Variants in MMP16 observed in about 807,000 individuals in gnomAD.
MMP16 encodes the protein matrix metalloproteinase-16.
MMP16 carries 12 observed loss-of-function variants against 67.8 expected under a neutral mutation model. That is an observed-to-expected ratio of 0.18 (90% CI 0.11 to 0.29). The LOEUF (loss-of-function observed/expected upper bound fraction) is 0.29, where lower values mean the gene tolerates loss of function less well. Among genes scored for constraint, MMP16 ranks in the 10% least tolerant of loss-of-function variants. The pLI is 1.00. For synonymous variants in MMP16, 249 were observed against 255.9 expected, an observed-to-expected ratio of 0.97 and a Z score of 0.26; for missense variants, 475 against 765.7, an observed-to-expected ratio of 0.62 and a Z score of 4.48.
chr8:88,048,336 C>G (rs1313322437), intron 8 of MMP16, among the ~76,000 whole-genome samples: 1 of 152,152 alleles, frequency 6.6e-6, no homozygotes, highest in Non-Finnish European at 1.5e-5. Context: ...TTTCACAGAA[C>G]CCCTAGACTT....
intron 1 of MMP16, among the ~76,000 whole-genome samples, chr8:88,238,002 C>A (rs537492279): frequency 6.6e-6 from 1 of 152,298 alleles, no homozygotes; most frequent in East Asian, 1.9e-4. Flanking sequence ...GTAACATGTA[C>A]TTCCTCCAGC....
chr8:88,304,219 A>G (rs1811177177), intron 1 of MMP16, among the ~76,000 whole-genome samples: 1 of 152,198 alleles, frequency 6.6e-6, no homozygotes, highest in African/African-American at 2.4e-5. Flanking sequence ...CTATCTCTCA[A>G]AGTAAGATAG....
intron 1 of MMP16, among the ~76,000 whole-genome samples, chr8:88,275,464 C>T (rs925708452): frequency 4.6e-5 from 7 of 151,670 alleles, no homozygotes; most frequent in African/African-American, 1.5e-4. Context: ...TTTCAGGATC[C>T]CTTTCATCTT....
chr8:88,218,646 A>G (rs541909730), intron 1 of MMP16, among the ~76,000 whole-genome samples: 1 of 152,158 alleles, frequency 6.6e-6, no homozygotes, highest in South Asian at 2.1e-4. Flanking sequence ...ACTGGAAAAA[A>G]TGAAATAAAC....
At chr8:88,294,109 T>A (rs898196297) in intron 1 of MMP16, among the ~76,000 whole-genome samples, 3 of 151,860 alleles carry the variant, frequency 2.0e-5, no homozygotes, top group Non-Finnish European at 4.4e-5. Flanking sequence ...CCTTATAAAT[T>A]CCAATATTCC....
intron 4 of MMP16, among the ~76,000 whole-genome samples, chr8:88,124,989 T>C (rs1486579428): frequency 6.6e-6 from 1 of 151,854 alleles, no homozygotes; most frequent in Non-Finnish European, 1.5e-5. Flanking sequence ...CCAACCCTAA[T>C]TATCTCTCAA....
chr8:88,069,368 T>G, intron 7 of MMP16: 1 of 453,434 alleles, frequency 2.2e-6, no homozygotes, highest in Non-Finnish European at 4.5e-6. Context: ...TGATTGTTCT[T>G]TGTTAGTATG....
chr8:88,108,673 T>A (rs1809283443), intron 6 of MMP16, among the ~76,000 whole-genome samples: 2 of 151,348 alleles, frequency 1.3e-5, no homozygotes. Flanking sequence ...ACACTATTCA[T>A]AAAACTGTCA....
At chr8:88,109,119 A>AT (rs1809290842) in intron 6 of MMP16, among the ~76,000 whole-genome samples, 1 of 151,410 alleles carries the variant, frequency 6.6e-6, no homozygotes, top group African/African-American at 2.4e-5. Context: ...TATTTATTGA[A>AT]TGTTATGAAT....
intron 1 of MMP16, among the ~76,000 whole-genome samples, chr8:88,307,638 T>C (rs564976161): frequency 6.6e-6 from 1 of 151,944 alleles, no homozygotes; most frequent in Non-Finnish European, 1.5e-5. Context: ...CAAATGAGTC[T>C]CCATTTCCCT....
At chr8:88,063,424 A>C (rs1808425903) in intron 7 of MMP16, among the ~76,000 whole-genome samples, 1 of 152,052 alleles carries the variant, frequency 6.6e-6, no homozygotes, top group Non-Finnish European at 1.5e-5. Flanking sequence ...AAATAATCCC[A>C]AAAAGAATTT....
intron 1 of MMP16, among the ~76,000 whole-genome samples, chr8:88,245,077 C>A (rs554106301): frequency 1.6e-4 from 25 of 152,138 alleles, no homozygotes; most frequent in Non-Finnish European, 2.9e-4. Context: ...TTCAAAATCT[C>A]TATTCCTTCT....
At chr8:88,169,768 CAG>C (rs1351200474) in intron 3 of MMP16, among the ~76,000 whole-genome samples, 9 of 151,926 alleles carry the variant, frequency 5.9e-5, no homozygotes, top group African/African-American at 2.2e-4. Flanking sequence ...AGTTTGGTCA[CAG>C]AGAGAGAGCA....
chr8:88,279,593 CA>C (rs982126329), intron 1 of MMP16, among the ~76,000 whole-genome samples: 1 of 152,268 alleles, frequency 6.6e-6, no homozygotes, highest in Non-Finnish European at 1.5e-5. Context: ...TTTGGAGACA[CA>C]ATCTCATGAA....
At chr8:88,282,084 G>GA (rs1183501654) in intron 1 of MMP16, among the ~76,000 whole-genome samples, 2 of 16,280 alleles carry the variant, frequency 1.2e-4, no homozygotes, top group Non-Finnish European at 4.3e-4. Flanking sequence ...TTCTTTTTTG[G>GA]GGGGGGGGGG....
At chr8:88,262,321 G>C (rs1810399846) in intron 1 of MMP16, among the ~76,000 whole-genome samples, 1 of 152,192 alleles carries the variant, frequency 6.6e-6, no homozygotes, top group Admixed American at 6.5e-5. Flanking sequence ...TTTGCAGGCT[G>C]TGTTTGTATT....
chr8:88,263,560 G>A (rs972727004), intron 1 of MMP16, among the ~76,000 whole-genome samples: 1 of 152,128 alleles, frequency 6.6e-6, no homozygotes, highest in Admixed American at 6.5e-5. Context: ...CAGCAGGGGT[G>A]TTTCCTTTTG....
At chr8:88,192,865 C>T (rs956579381) in intron 2 of MMP16, among the ~76,000 whole-genome samples, 2 of 152,034 alleles carry the variant, frequency 1.3e-5, no homozygotes, top group Non-Finnish European at 2.9e-5. Context: ...TATCATCCTA[C>T]CCCAGTTAAA....
At chr8:88,193,380 G>T (rs1809200059) in intron 2 of MMP16, among the ~76,000 whole-genome samples, 1 of 151,950 alleles carries the variant, frequency 6.6e-6, no homozygotes, top group Admixed American at 6.6e-5. Flanking sequence ...CACACAAAAA[G>T]AACTTCATGG....
Sources: allele counts gnomAD v4.1 joint callset (sites outside exome capture counted in the v4.1 genomes callset), GRCh38; gene constraint gnomAD v4.1.1; transcripts MANE v1.5; gene names NCBI Gene and HGNC (gene_info 2026-07-23, HGNC 2026-07-21).